The following DTNBP1 variants were observed in gnomAD, a reference collection of about 807,000 sequenced individuals.
The protein encoded by DTNBP1 is dysbindin.
In DTNBP1, 35 loss-of-function variants were observed where a neutral mutation model predicts 42.8. That is an observed-to-expected ratio of 0.82 (90% CI 0.63 to 1.09). The LOEUF (loss-of-function observed/expected upper bound fraction) is 1.09. Among genes scored for constraint, DTNBP1 ranks in the 50% least tolerant of loss-of-function variants. The pLI is 0.00. For missense variants in DTNBP1, 457 were observed against 424.2 expected (o/e 1.08, Z -0.68); for synonymous variants, 171 against 162.2 (o/e 1.05, Z -0.41).
intron 4 of DTNBP1, among the ~76,000 whole-genome samples, chr6:15,633,720 CT>C (rs1319059622): frequency 1.3e-5 from 2 of 152,092 alleles, no homozygotes; most frequent in African/African-American, 4.8e-5. Context: ...TCATCGCTGT[CT>C]TATTCAAGAA....
chr6:15,637,424 A>G (rs564700078), intron 4 of DTNBP1, among the ~76,000 whole-genome samples: 2 of 152,352 alleles, frequency 1.3e-5, no homozygotes, highest in Admixed American at 1.3e-4. Flanking sequence ...TATAGGGTAT[A>G]AAGAGATGTC....
At chr6:15,550,506 A>G (rs1041548387) in intron 7 of DTNBP1, among the ~76,000 whole-genome samples, 45 of 152,328 alleles carry the variant, frequency 3.0e-4, no homozygotes, top group Admixed American at 2.6e-3. Context: ...TCTTGTTATA[A>G]ATATCCTCAT....
intron 6 of DTNBP1, among the ~76,000 whole-genome samples, chr6:15,607,355 G>T (rs961539215): frequency 6.6e-6 from 1 of 152,168 alleles, no homozygotes; most frequent in East Asian, 1.9e-4. Flanking sequence ...AGACTGGAGT[G>T]CAGTGGCACG....
Position 15,595,073 on chromosome 6 carries a change from T to C in DTNBP1, c.489-1992A>G. On this transcript the variant is annotated intron_variant, in intron 6 of 9. Coordinates refer to ENST00000344537, the MANE Select transcript of DTNBP1 (RefSeq NM_032122.5). ...CTGTGAAGAGGACAAGCCCAGCATC[T>C]TCTGGGCATCCTCTGTCACACAGCG... is the stretch of plus-strand genomic sequence containing the variant. The C allele has an allele frequency of 6.6e-6, 3 of 455,932 alleles. No homozygotes were observed. In the Admixed American group the frequency reaches 7.1e-5, roughly 11 times the overall value. 28.2% of individuals were successfully genotyped at this position (455,932 alleles called of 1,614,324 possible).
At chr6:15,543,578 T>C (rs1041212896) in intron 7 of DTNBP1, among the ~76,000 whole-genome samples, 3 of 152,170 alleles carry the variant, frequency 2.0e-5, no homozygotes, top group African/African-American at 7.2e-5. Flanking sequence ...AGGAGAAAAA[T>C]TGTTAAGTAC....
At position 15,662,927 on chromosome 6, in the gene DTNBP1, C is replaced by T. The variant is rs1412191992; in HGVS notation, c.-58G>A. The T allele has an allele frequency of 1.9e-6, 3 of 1,596,980 alleles. No homozygotes were observed. Among genetic ancestry groups the T allele is most frequent in the Admixed American group, 1.7e-5 (1 of 59,922 alleles). ...TCGGGCTGCTGCTGCCTCTGTCGCC[C>T]CCTGGGTCCCACGCCGCCAACCCCG... On this transcript the variant is annotated 5_prime_UTR_variant, in exon 1 of 10. Transcript: ENST00000344537.
intron 7 of DTNBP1, among the ~76,000 whole-genome samples, chr6:15,540,624 T>G (rs1773501020): frequency 6.6e-6 from 1 of 152,178 alleles, no homozygotes. Context: ...GAGGAGGGGT[T>G]AGATTAGGAA....
chr6:15,599,157 T>C (rs190311069), intron 6 of DTNBP1, among the ~76,000 whole-genome samples: 1 of 152,212 alleles, frequency 6.6e-6, no homozygotes, highest in African/African-American at 2.4e-5. Context: ...TACATGAAAA[T>C]CTATTTGATT....
At chr6:15,523,670 T>G in intron 9 of DTNBP1, 1 of 1,287,364 alleles carries the variant, frequency 7.8e-7, no homozygotes, top group Non-Finnish European at 1.0e-6. Flanking sequence ...AATAGGCTCT[T>G]CAAGGAATCA....
Position 15,523,011 on chromosome 6 carries a change from C to G in DTNBP1, c.1020G>C (p.Glu340Asp), listed in dbSNP as rs367543101. The change falls in exon 10 of 10, where the codon GAG (glutamate) becomes GAC (aspartate). Residue 340 changes from glutamate to aspartate, a missense_variant. By Grantham distance (45) the Glu-to-Asp change is conservative. Coordinates refer to ENST00000344537, the MANE Select transcript of DTNBP1 (RefSeq NM_032122.5). Reference protein sequence around the residue: ...TALATSHTDREATPDGGEDSD... With the variant: ...TALATSHTDRDATPDGGEDSD... ...TGTCCTCACCACCATCCGGAGTGGC[C>G]TCTCTGTCAGTGTGTGATGTGGCCA... The G allele has an allele frequency of 2.5e-5, 41 of 1,613,680 alleles. No homozygotes were observed. The Admixed American group carries it at 3.3e-4, about 13-fold the overall frequency.
intron 3 of DTNBP1, among the ~76,000 whole-genome samples, chr6:15,641,893 G>A (rs1760383042): frequency 6.6e-6 from 1 of 152,164 alleles, no homozygotes; most frequent in South Asian, 2.1e-4. Context: ...AGGAAATGCA[G>A]GCACAGTGCC....
intron 6 of DTNBP1, among the ~76,000 whole-genome samples, chr6:15,593,553 GA>G (rs1292668413): frequency 5.3e-5 from 8 of 152,184 alleles, no homozygotes; most frequent in African/African-American, 1.9e-4. Flanking sequence ...AGAAAAGGGG[GA>G]AAGTGCATAT....
intron 1 of DTNBP1, among the ~76,000 whole-genome samples, chr6:15,654,332 T>C (rs1761169687): frequency 6.6e-6 from 1 of 152,246 alleles, no homozygotes; most frequent in South Asian, 2.1e-4. Context: ...ACTATAAAGT[T>C]TGATCAAAAT....
intron 7 of DTNBP1, among the ~76,000 whole-genome samples, chr6:15,574,055 A>G (rs1775458035): frequency 6.6e-6 from 1 of 152,218 alleles, no homozygotes; most frequent in African/African-American, 2.4e-5. Context: ...TTTCACAGGT[A>G]CAAACAGATC....
chr6:15,620,953 T>C (rs1245473793), intron 5 of DTNBP1, among the ~76,000 whole-genome samples: 3 of 152,222 alleles, frequency 2.0e-5, no homozygotes, highest in African/African-American at 7.2e-5. Context: ...AAATAATTAA[T>C]GTTTGAATAT....
intron 7 of DTNBP1, among the ~76,000 whole-genome samples, chr6:15,572,124 A>G (rs942993118): frequency 1.3e-5 from 2 of 152,200 alleles, no homozygotes; most frequent in African/African-American, 4.8e-5. Flanking sequence ...AGACCTTAAC[A>G]TTTATTCCAT....
In DTNBP1 at chr6:15,587,370, T is replaced by C. The variant is rs1002039705; in HGVS notation, c.511+5689A>G. On this transcript the variant is annotated intron_variant, in intron 7 of 9. Transcript: ENST00000344537. This position sits in a 1 kb window ranked among gnomAD's most constrained non-coding sequence, Gnocchi z 4.1. ...ACAACCATCCCTATTCAAGTCTCAG[T>C]AGGCTCTTTCCTTTGTTAGAATTGT... is the stretch of plus-strand genomic sequence containing the variant. Among the ~76,000 whole-genome samples, 7 of 152,214 alleles carry C rather than the reference T, an allele frequency of 4.6e-5. No individual in the cohort carries two copies. Among genetic ancestry groups the C allele is most frequent in the Non-Finnish European group, 1.0e-4 (7 of 68,034 alleles).
chr6:15,592,989 A>AT, intron 7 of DTNBP1, 70 bp downstream of exon 7: 1 of 1,389,156 alleles, frequency 7.2e-7, no homozygotes, highest in Non-Finnish European at 9.9e-7. Context: ...TTTGTTCATC[A>AT]TTGTCGAGAG....
intron 7 of DTNBP1, among the ~76,000 whole-genome samples, chr6:15,562,347 T>A (rs1036112335): frequency 6.6e-6 from 1 of 152,228 alleles, no homozygotes; most frequent in Non-Finnish European, 1.5e-5. Flanking sequence ...TGTTTCTCTA[T>A]AATCTAAATT....
Sources: allele counts gnomAD v4.1 joint callset (sites outside exome capture counted in the v4.1 genomes callset), GRCh38; gene constraint gnomAD v4.1.1; non-coding constraint Gnocchi (gnomAD v3.1); transcripts MANE v1.5; gene names NCBI Gene and HGNC (gene_info 2026-07-23, HGNC 2026-07-21).